The following FGFR1 variants were observed in gnomAD, a reference collection of about 807,000 sequenced individuals.
FGFR1 encodes FGFR1/PLAG1 fusion.
FGFR1 carries 18 observed loss-of-function variants against 93.7 expected under a neutral mutation model. The observed-to-expected ratio is 0.19, with a 90% CI of 0.13 to 0.28. The LOEUF (loss-of-function observed/expected upper bound fraction) is 0.28, where lower values mean the gene tolerates loss of function less well. FGFR1 is among the 10% of genes least tolerant of loss of function. The pLI, the probability that FGFR1 is intolerant of heterozygous loss-of-function variation, is 1.00. For missense variants in FGFR1, 731 were observed against 1,080.4 expected (o/e 0.68, Z 4.53); for synonymous variants, 448 against 429.3 (o/e 1.04, Z -0.54).
chr8:38,450,825 G>C (rs928144622), intron 2 of FGFR1, among the ~76,000 whole-genome samples: 2 of 152,220 alleles, frequency 1.3e-5, no homozygotes, highest in African/African-American at 4.8e-5. Flanking sequence ...TGAAGCTAAT[G>C]GTGTAGCAAT....
intron 2 of FGFR1, among the ~76,000 whole-genome samples, chr8:38,457,076 G>C (rs1158084614): frequency 6.6e-6 from 1 of 152,186 alleles, no homozygotes; most frequent in Non-Finnish European, 1.5e-5. Context: ...TCCTCAGAAA[G>C]AGAAAAGCAT....
chr8:38,464,394 G>C (rs147502694), intron 1 of FGFR1, among the ~76,000 whole-genome samples: 135 of 151,340 alleles, frequency 8.9e-4, no homozygotes, highest in African/African-American at 3.1e-3. Context: ...CTTGAAGACA[G>C]GATGTACTAT....
At chr8:38,459,249 A>C (rs758091625) in intron 1 of FGFR1, among the ~76,000 whole-genome samples, 31 of 152,244 alleles carry the variant, frequency 2.0e-4, no homozygotes, top group Non-Finnish European at 4.3e-4. Flanking sequence ...CAGAGAATCT[A>C]CTTCCCCGGA....
In FGFR1 at chr8:38,466,457, T is replaced by A. The variant is rs770286330; in HGVS notation, c.-89+1524A>T. On this transcript the variant is annotated intron_variant, in intron 1 of 17. Coordinates refer to ENST00000447712, the MANE Select transcript of FGFR1 (RefSeq NM_023110.3). ...GTCTAGCGGATGAACCGTTCGCGAGTGGCACCCCCTAAAACCTTGGCCCCA... is the reference window on the plus strand; with the variant it reads ...GTCTAGCGGATGAACCGTTCGCGAGAGGCACCCCCTAAAACCTTGGCCCCA... 15 of 231,578 alleles carry A rather than the reference T, an allele frequency of 6.5e-5. No individual in the cohort carries two copies. The Admixed American group carries it at 6.8e-4, about 10-fold the overall frequency. 14.3% of individuals were successfully genotyped at this position (231,578 alleles called of 1,614,324 possible).
At chr8:38,465,163 T>TC (rs1365725757) in intron 1 of FGFR1, among the ~76,000 whole-genome samples, 2 of 152,204 alleles carry the variant, frequency 1.3e-5, no homozygotes, top group African/African-American at 4.8e-5. Context: ...CTCCATTTCT[T>TC]CCTGAGCCTT....
rs771672913 is a variant in FGFR1 at position 38,413,922 on chromosome 8, T to C, written c.2288A>G (p.Asn763Ser). ...CTCTGGCACGGGCAGCCTTACCTGG[T>C]TGGAGGTCAAGGCCACGATGCGGTC... is the stretch of plus-strand genomic sequence containing the variant. ...DLDRIVALTS[N>S]QEYLDLSMPL... The change falls in exon 17 of 18, where the codon AAC becomes AGC. Residue 763 changes from asparagine to serine, a missense_variant. By Grantham distance (46) the Asn-to-Ser change is conservative. Coordinates refer to ENST00000447712, the MANE Select transcript of FGFR1 (RefSeq NM_023110.3). The surrounding 1 kb of genome is among the most constrained non-coding windows in gnomAD (Gnocchi z 4.2). 5 of 1,613,916 alleles carry C rather than the reference T, an allele frequency of 3.1e-6. No homozygotes were observed. The highest frequency in any genetic ancestry group is 4.2e-6 in the Non-Finnish European group (5 of 1,179,914).
At chr8:38,418,652 T>G in intron 9 of FGFR1, 11 of 497,106 alleles carry the variant, frequency 2.2e-5, no homozygotes, top group East Asian at 1.1e-4. Context: ...TAACTGATCA[T>G]TGCAGTAACA....
rs1487963774 is a variant in FGFR1, at chr8:38,424,449, C to T, written c.936+60G>A. On this transcript the variant is annotated intron_variant, in intron 7 of 17. Coordinates refer to ENST00000447712, the MANE Select transcript of FGFR1 (RefSeq NM_023110.3). This position sits in a 1 kb window ranked among gnomAD's most constrained non-coding sequence, Gnocchi z 4.3. ...TGAGCCTGCCCACAGGAACTTGAGCCCCCGAGACAGTGGTCTCCTTCCCAG... is the reference window on the plus strand; with the variant it reads ...TGAGCCTGCCCACAGGAACTTGAGCTCCCGAGACAGTGGTCTCCTTCCCAG... 1.3e-6 allele frequency: 2 copies of T among 1,597,916 alleles called. No homozygotes were observed. The highest frequency in any genetic ancestry group is 1.7e-6 in the Non-Finnish European group (2 of 1,165,544).
intron 8 of FGFR1, among the ~76,000 whole-genome samples, chr8:38,420,500 C>T (rs1194979956): frequency 5.3e-5 from 8 of 152,234 alleles, no homozygotes; most frequent in Middle Eastern, 3.4e-3. Context: ...CGGCAGGGGG[C>T]GGAGTTCCAT....
At chr8:38,457,724 C>T (rs1833250233) in intron 1 of FGFR1, among the ~76,000 whole-genome samples, 190 bp from the exon 2 acceptor site, 1 of 152,088 alleles carries the variant, frequency 6.6e-6, no homozygotes, top group Non-Finnish European at 1.5e-5. Context: ...TGGTGGTGCA[C>T]CCTGTAATCC....
At position 38,424,820 on chromosome 8, in the gene FGFR1, T is replaced by C; in HGVS notation, c.746-121A>G. 2 of 994,216 alleles carry C rather than the reference T, an allele frequency of 2.0e-6. No individual in the cohort carries two copies. The highest frequency in any genetic ancestry group is 3.0e-6 in the Non-Finnish European group (2 of 675,798). The allele number at this position is 994,216 out of a possible 1,614,324, so 61.6% of individuals were successfully genotyped here. A position where few individuals can be genotyped will look rare whatever the true frequency, so the allele number is the denominator to read the frequency against. Reference sequence around the variant, plus strand: ...TGGGTTGTAAACCTCCCAGCACTTCTGCTGAGCCCAAGCCTCTCAAAACAG... The same window carrying C: ...TGGGTTGTAAACCTCCCAGCACTTCCGCTGAGCCCAAGCCTCTCAAAACAG... On this transcript the variant is annotated intron_variant, in intron 6 of 17. Coordinates refer to ENST00000447712, the MANE Select transcript of FGFR1 (RefSeq NM_023110.3). The surrounding 1 kb of genome is among the most constrained non-coding windows in gnomAD (Gnocchi z 4.3).
chr8:38,417,845 T>C (rs2150646076), intron 11 of FGFR1, 25 bp downstream of exon 11: 1 of 1,614,172 alleles, frequency 6.2e-7, no homozygotes, highest in Non-Finnish European at 8.5e-7. Flanking sequence ...AAGATTTTCT[T>C]TGCAAGGACA....
intron 1 of FGFR1, among the ~76,000 whole-genome samples, chr8:38,459,891 T>C (rs7388222): frequency 0.096 from 14,609 of 152,156 alleles, 901 homozygotes; most frequent in Admixed American, 0.2. Context: ...TGGTCAAAGA[T>C]AGACCCTTGT....
chr8:38,450,712 C>G (rs946732625), intron 2 of FGFR1, among the ~76,000 whole-genome samples: 3 of 152,202 alleles, frequency 2.0e-5, no homozygotes, highest in East Asian at 1.9e-4. Context: ...CTCCCTTCCC[C>G]CACTGGCAGC....
At chr8:38,422,225 G>A (rs1819070275) in intron 7 of FGFR1, 1 of 493,254 alleles carries the variant, frequency 2.0e-6, no homozygotes, top group East Asian at 3.6e-5. Context: ...CATGCGGGCG[G>A]TGAGCGGCAT....
chr8:38,416,635 T>C (rs1816759251), intron 12 of FGFR1, among the ~76,000 whole-genome samples: 1 of 151,958 alleles, frequency 6.6e-6, no homozygotes, highest in African/African-American at 2.4e-5. Context: ...TTTGTATTTT[T>C]AGTAGAGATG....
rs1586320095 is a variant in FGFR1, at chr8:38,426,451, C to T, written c.622-206G>A. 1.3e-5 allele frequency among the ~76,000 whole-genome samples: 2 copies of T among 152,216 alleles called. No individual in the cohort carries two copies. Among genetic ancestry groups the T allele is most frequent in the African/African-American group, 4.8e-5 (2 of 41,454 alleles). ...CAAGCTGGCAGATGGGGTGTAAAGA[C>T]TCCAGAAGTCTCCACTGTGACGTTC... On this transcript the variant is annotated intron_variant, in intron 5 of 17. Coordinates refer to ENST00000447712, the MANE Select transcript of FGFR1 (RefSeq NM_023110.3). This position sits in a 1 kb window ranked among gnomAD's most constrained non-coding sequence, Gnocchi z 4.1.
chr8:38,445,565 G>T (rs1174911480), intron 2 of FGFR1, among the ~76,000 whole-genome samples: 5 of 152,296 alleles, frequency 3.3e-5, no homozygotes, highest in Admixed American at 2.6e-4. Context: ...GGGGAACGGA[G>T]TCTCACTCTG....
rs17175863 is a variant in FGFR1 at position 38,429,479 on chromosome 8, G to A, written c.358+203C>T. On this transcript the variant is annotated intron_variant, in intron 3 of 17. Coordinates refer to ENST00000447712, the MANE Select transcript of FGFR1 (RefSeq NM_023110.3). The surrounding 1 kb of genome is among the most constrained non-coding windows in gnomAD (Gnocchi z 4.4). ...GTGTCCTGGAAGCCCCAGATCTCCGGCCCTGGGGCCCACCCCACCTAGTCA... is the reference window on the plus strand; with the variant it reads ...GTGTCCTGGAAGCCCCAGATCTCCGACCCTGGGGCCCACCCCACCTAGTCA... 5.3e-4 allele frequency: 378 copies of A among 711,874 alleles called. 1 individual carries two copies. The highest frequency in any genetic ancestry group is 1.7e-3 in the Admixed American group (83 of 49,212). The allele number at this position is 711,874 out of a possible 1,614,324, so 44.1% of individuals were successfully genotyped here.
Sources: gnomAD v4.1 joint callset for allele counts (sites outside exome capture counted in the v4.1 genomes callset) on GRCh38, gnomAD v4.1.1 for gene constraint, Gnocchi (gnomAD v3.1) non-coding constraint, MANE v1.5 for transcripts, NCBI Gene and HGNC (gene_info 2026-07-23, HGNC 2026-07-21) for gene names.